Variants in NRXN1 observed in about 807,000 individuals in gnomAD.
The protein encoded by NRXN1 is neurexin-1.
NRXN1 carries 39 observed loss-of-function variants against 150.9 expected under a neutral mutation model. That is an observed-to-expected ratio of 0.26 (90% CI 0.20 to 0.34). The LOEUF is 0.34. NRXN1 is among the 10% of genes least tolerant of loss of function. The pLI, the probability that NRXN1 is intolerant of heterozygous loss-of-function variation, is 1.00. For missense variants in NRXN1, 1,815 were observed against 1,949.9 expected (o/e 0.93, Z 1.30); for synonymous variants, 924 against 757.0 (o/e 1.22, Z -3.62).
Position 50,347,095 on chromosome 2 carries a change from T to G in NRXN1, c.3365-110125A>C. On this transcript the variant is annotated intron_variant, in intron 17 of 22. Coordinates refer to ENST00000401669, the MANE Select transcript of NRXN1 (RefSeq NM_001330078.2). The surrounding 1 kb of genome is among the most constrained non-coding windows in gnomAD (Gnocchi z 4.9). ...CCAGGGCACCCATCCTCTCCCTCCT[T>G]CGGACAGTCTTCTCGGGGTCCTGGA... The G allele has an allele frequency of 7.2e-7, 1 of 1,385,868 alleles. No individual in the cohort carries two copies. The highest frequency in any genetic ancestry group is 9.5e-7 in the Non-Finnish European group (1 of 1,053,824). 85.8% of individuals were successfully genotyped at this position (1,385,868 alleles called of 1,614,324 possible).
intron 21 of NRXN1, among the ~76,000 whole-genome samples, chr2:49,996,202 A>C (rs922033950): frequency 6.6e-6 from 1 of 152,232 alleles, no homozygotes; most frequent in Non-Finnish European, 1.5e-5. Context: ...AAGTTCACAG[A>C]GGTAAAAAAT....
chr2:50,102,521 G>C (rs574717709), intron 18 of NRXN1, among the ~76,000 whole-genome samples: 2 of 152,142 alleles, frequency 1.3e-5, no homozygotes, highest in East Asian at 3.9e-4. Context: ...TTAAGTTCTG[G>C]ATAAATATGG....
intron 5 of NRXN1, among the ~76,000 whole-genome samples, chr2:50,673,273 A>G (rs1456489934): frequency 1.3e-5 from 2 of 152,146 alleles, no homozygotes; most frequent in Non-Finnish European, 2.9e-5. Context: ...TGCCTTTGAT[A>G]CTATTTAAAA....
intron 20 of NRXN1, 25 bp from the exon 21 acceptor site, chr2:50,053,615 G>A (rs748466226): frequency 6.2e-7 from 1 of 1,610,110 alleles, no homozygotes; most frequent in South Asian, 1.1e-5. Flanking sequence ...TTACATACAT[G>A]CAAAAATGTT....
chr2:50,097,103 C>T (rs541690166), intron 18 of NRXN1, among the ~76,000 whole-genome samples: 4 of 152,270 alleles, frequency 2.6e-5, no homozygotes, highest in African/African-American at 4.8e-5. Context: ...CCCCTCACCC[C>T]ATTCTTGGAT....
At chr2:50,725,044 C>T (rs958291037) in intron 5 of NRXN1, among the ~76,000 whole-genome samples, 8 of 151,964 alleles carry the variant, frequency 5.3e-5, no homozygotes, top group South Asian at 2.1e-4. Context: ...TATCAGGTTA[C>T]GTAATAATTA....
Position 50,639,742 on chromosome 2 carries a change from A to C in NRXN1, c.833-16127T>G, listed in dbSNP as rs563694742. On this transcript the variant is annotated intron_variant, in intron 5 of 22. Coordinates refer to ENST00000401669, the MANE Select transcript of NRXN1 (RefSeq NM_001330078.2). Reference sequence around the variant, plus strand: ...TTTCATATAATCAAACAATATTATCATTTTTCTGTTACAATATCAAAGTGA... The same window carrying C: ...TTTCATATAATCAAACAATATTATCCTTTTTCTGTTACAATATCAAAGTGA... 2.6e-5 allele frequency among the ~76,000 whole-genome samples: 4 copies of C among 152,178 alleles called. No homozygotes were observed. In the East Asian group the frequency reaches 7.8e-4, roughly 29 times the overall value.
At position 51,027,609 on chromosome 2, in the gene NRXN1, T is replaced by C. The variant is rs1670740241; in HGVS notation, c.665A>G (p.Glu222Gly). 3 of 1,593,482 alleles carry C rather than the reference T, an allele frequency of 1.9e-6. No individual in the cohort carries two copies. The highest frequency in any genetic ancestry group is 2.6e-6 in the Non-Finnish European group (3 of 1,170,286). The change falls in exon 2 of 23, where the codon GAG becomes GGG. Residue 222 changes from glutamate to glycine, a missense_variant. Glu to Gly is a moderately conservative substitution (Grantham distance 98). Coordinates refer to ENST00000401669, the MANE Select transcript of NRXN1 (RefSeq NM_001330078.2). ...GTTGAGGCACACCCCGCCCTCGCCC[T>C]CCTCGCCCGCCTCGCACGGGCTTCC... is the stretch of plus-strand genomic sequence containing the variant. Reference protein sequence around the residue: ...GGGSPCEAGEEGEGGVCLNGG... With the variant: ...GGGSPCEAGEGGEGGVCLNGG...
At chr2:50,836,616 C>T (rs906546725) in intron 5 of NRXN1, among the ~76,000 whole-genome samples, 4 of 151,924 alleles carry the variant, frequency 2.6e-5, no homozygotes, top group East Asian at 1.9e-4. Flanking sequence ...TAGTGTCCCC[C>T]GATTTCATCC....
intron 18 of NRXN1, among the ~76,000 whole-genome samples, chr2:50,143,563 G>A (rs1707578720): frequency 6.6e-6 from 1 of 152,092 alleles, no homozygotes; most frequent in African/African-American, 2.4e-5. Context: ...AGAGAGAGCA[G>A]CAAATGTGCA....
chr2:49,993,679 T>A (rs900662939), intron 21 of NRXN1, among the ~76,000 whole-genome samples: 2 of 152,150 alleles, frequency 1.3e-5, no homozygotes, highest in Non-Finnish European at 2.9e-5. Context: ...ACCTTCCTCT[T>A]AATTTTGCTG....
intron 15 of NRXN1, among the ~76,000 whole-genome samples, chr2:50,492,137 T>C (rs781589486): frequency 5.9e-5 from 9 of 152,184 alleles, no homozygotes; most frequent in Non-Finnish European, 1.3e-4. Context: ...AAGGCAGGGC[T>C]CAGAAGTCCT....
intron 17 of NRXN1, among the ~76,000 whole-genome samples, chr2:50,437,112 C>T (rs921406068): frequency 2.0e-5 from 3 of 152,102 alleles, no homozygotes; most frequent in South Asian, 2.1e-4. Flanking sequence ...CAAGCTCATA[C>T]GTGAATATAA....
chr2:50,706,401 C>T (rs1038599469), intron 5 of NRXN1, among the ~76,000 whole-genome samples: 2 of 152,110 alleles, frequency 1.3e-5, no homozygotes, highest in Non-Finnish European at 2.9e-5. Flanking sequence ...GCAAATACTT[C>T]TGTTAATGGC....
chr2:50,590,009 T>C (rs1165191444), intron 8 of NRXN1, among the ~76,000 whole-genome samples: 1 of 152,220 alleles, frequency 6.6e-6, no homozygotes, highest in Non-Finnish European at 1.5e-5. Context: ...TATACACAAA[T>C]GAATAGAATG....
intron 8 of NRXN1, among the ~76,000 whole-genome samples, chr2:50,612,987 A>G (rs539846534): frequency 5.3e-4 from 81 of 152,322 alleles, no homozygotes; most frequent in South Asian, 1.0e-3. Flanking sequence ...ATACATTTCA[A>G]TATTTCCGAG....
At chr2:50,228,402 C>T (rs572263700) in intron 18 of NRXN1, among the ~76,000 whole-genome samples, 3 of 151,910 alleles carry the variant, frequency 2.0e-5, no homozygotes, top group East Asian at 2.0e-4. Flanking sequence ...AAGGCAAGCA[C>T]GGAGTAAAAG....
intron 5 of NRXN1, among the ~76,000 whole-genome samples, chr2:50,762,508 T>C (rs1701912665): frequency 6.6e-6 from 1 of 151,854 alleles, no homozygotes; most frequent in African/African-American, 2.4e-5. Flanking sequence ...CTCCCTCTAA[T>C]AGTGCCCTGT....
At chr2:50,394,752 C>G (rs532872074) in intron 17 of NRXN1, among the ~76,000 whole-genome samples, 17 of 152,178 alleles carry the variant, frequency 1.1e-4, no homozygotes, top group African/African-American at 4.1e-4. Flanking sequence ...TTCTAACACA[C>G]TTAGGGTAAA....
Sources: gnomAD v4.1 joint callset for allele counts (sites outside exome capture counted in the v4.1 genomes callset) on GRCh38, gnomAD v4.1.1 for gene constraint, Gnocchi (gnomAD v3.1) non-coding constraint, MANE v1.5 for transcripts, NCBI Gene and HGNC (gene_info 2026-07-23, HGNC 2026-07-21) for gene names.